Variants in NRXN1 observed in about 807,000 individuals in gnomAD.
NRXN1 encodes the protein neurexin-1.
NRXN1 carries 39 observed loss-of-function variants against 150.9 expected under a neutral mutation model. The ratio of observed to expected loss-of-function variants is 0.26; its 90% CI spans 0.20 to 0.34. The LOEUF (loss-of-function observed/expected upper bound fraction) is 0.34. NRXN1 is among the 10% of genes least tolerant of loss of function. NRXN1 has a pLI of 1.00. For missense variants in NRXN1, 1,815 were observed against 1,949.9 expected (o/e 0.93, Z 1.30); for synonymous variants, 924 against 757.0 (o/e 1.22, Z -3.62).
intron 8 of NRXN1, among the ~76,000 whole-genome samples, chr2:50,592,099 C>G (rs1168941302): frequency 1.3e-5 from 2 of 152,224 alleles, no homozygotes; most frequent in Admixed American, 6.5e-5. Flanking sequence ...GTGCTTCACT[C>G]TTTGCATGCG....
At chr2:50,386,982 C>T (rs1168491864) in intron 17 of NRXN1, among the ~76,000 whole-genome samples, 1 of 152,114 alleles carries the variant, frequency 6.6e-6, no homozygotes, top group African/African-American at 2.4e-5. Context: ...GCTGAGTGAT[C>T]TAGTGCATAG....
chr2:49,956,138 C>A (rs889840217), intron 21 of NRXN1, among the ~76,000 whole-genome samples: 1 of 152,116 alleles, frequency 6.6e-6, no homozygotes, highest in Non-Finnish European at 1.5e-5. Flanking sequence ...AGACAAATAT[C>A]TGGCCAATCA....
chr2:50,053,176 A>C lies in NRXN1; in HGVS notation c.4128+95T>G, dbSNP rs982184713. ...GGAAGCTGTAGTGCCTAAGATCAGA[A>C]AAATGTTCCAATTTAGAAAAGACGC... On this transcript the variant is annotated intron_variant, in intron 21 of 22. Coordinates refer to ENST00000401669, the MANE Select transcript of NRXN1 (RefSeq NM_001330078.2). 11 of 1,304,300 alleles carry C rather than the reference A, an allele frequency of 8.4e-6. No individual in the cohort carries two copies. The African/African-American group carries it at 1.5e-4, about 17-fold the overall frequency. 80.8% of individuals were successfully genotyped at this position (1,304,300 alleles called of 1,614,324 possible). A position where few individuals can be genotyped will look rare whatever the true frequency, so the allele number is the denominator to read the frequency against.
At position 51,028,372 on chromosome 2, in the gene NRXN1, G is replaced by A. The variant is rs1670963995; in HGVS notation, c.-99C>T. ...AAATAAGGGTCCCGAGAGACAGAAA[G>A]GTAAGGGGAAAGGCGGGAGTGAGAG... is the stretch of plus-strand genomic sequence containing the variant. On this transcript the variant is annotated 5_prime_UTR_variant, in exon 2 of 23. Transcript: ENST00000401669. 3 of 793,516 alleles carry A rather than the reference G, an allele frequency of 3.8e-6. No homozygotes were observed. The highest frequency in any genetic ancestry group is 5.5e-6 in the Non-Finnish European group (3 of 544,798). 49.2% of individuals were successfully genotyped at this position (793,516 alleles called of 1,614,324 possible).
At chr2:50,586,160 C>T (rs1324168048) in intron 8 of NRXN1, among the ~76,000 whole-genome samples, 3 of 152,146 alleles carry the variant, frequency 2.0e-5, no homozygotes, top group Non-Finnish European at 4.4e-5. Flanking sequence ...CCTACTTACC[C>T]TCCAGGGTGT....
At chr2:50,219,985 T>TTA (rs1553776534) in intron 18 of NRXN1, among the ~76,000 whole-genome samples, 17,166 of 51,178 alleles carry the variant, frequency 0.34, 2,003 homozygotes, top group African/African-American at 0.47. Context: ...AATATATATA[T>TTA]TATATATAAT....
intron 8 of NRXN1, among the ~76,000 whole-genome samples, chr2:50,564,943 T>C (rs1669631741): frequency 6.6e-6 from 1 of 152,166 alleles, no homozygotes; most frequent in Non-Finnish European, 1.5e-5. Flanking sequence ...ATGGCACACG[T>C]TAGAAAATTT....
At chr2:50,088,486 C>T (rs943137671) in intron 19 of NRXN1, among the ~76,000 whole-genome samples, 2 of 152,058 alleles carry the variant, frequency 1.3e-5, no homozygotes, top group African/African-American at 4.8e-5. Flanking sequence ...TTGCGTATAT[C>T]CTTCAGAATA....
At chr2:50,526,592 T>G (rs1253794814) in intron 12 of NRXN1, 2 of 152,234 alleles carry the variant, frequency 1.3e-5, no homozygotes, top group African/African-American at 4.8e-5. Flanking sequence ...TTATCTGGAA[T>G]GTAAATTCCT....
intron 12 of NRXN1, among the ~76,000 whole-genome samples, chr2:50,516,071 C>A (rs557539738): frequency 3.9e-5 from 6 of 152,136 alleles, no homozygotes; most frequent in South Asian, 2.1e-4. Flanking sequence ...GTGAGTGAAA[C>A]CTGTTTGTTT....
intron 5 of NRXN1, among the ~76,000 whole-genome samples, chr2:50,791,769 C>T (rs937259961): frequency 3.9e-5 from 6 of 152,074 alleles, no homozygotes; most frequent in Non-Finnish European, 1.5e-5. Flanking sequence ...ATACTGTTTG[C>T]TTAAAGGTTA....
chr2:50,405,943 T>C (rs1383836878), intron 17 of NRXN1, among the ~76,000 whole-genome samples: 1 of 152,136 alleles, frequency 6.6e-6, no homozygotes, highest in African/African-American at 2.4e-5. Flanking sequence ...CGCTAGATAA[T>C]ATTATTATCA....
At chr2:50,948,774 T>C (rs964181369) in intron 2 of NRXN1, among the ~76,000 whole-genome samples, 1 of 152,066 alleles carries the variant, frequency 6.6e-6, no homozygotes, top group Non-Finnish European at 1.5e-5. Flanking sequence ...TCCTTCAAGA[T>C]ACCACACTGC....
At chr2:50,472,514 T>C (rs1573121946) in intron 15 of NRXN1, 43 bp from the exon 16 acceptor site, 3 of 1,544,902 alleles carry the variant, frequency 1.9e-6, no homozygotes, top group African/African-American at 1.4e-5. Flanking sequence ...TACCATGTCA[T>C]TGACTTTAAA....
chr2:50,525,409 C>T (rs1240689522), intron 12 of NRXN1, among the ~76,000 whole-genome samples: 1 of 152,094 alleles, frequency 6.6e-6, no homozygotes, highest in Non-Finnish European at 1.5e-5. Flanking sequence ...CCTTCACTGT[C>T]TAAGAAAGAA....
In NRXN1 at chr2:49,996,497, C is replaced by T. The variant is rs72887861; in HGVS notation, c.4129-52706G>A. ...TTTTTAAATAAGTTAACTGACATGG[C>T]AAAGTCTTTGTAGGTATAATTAAGA... On this transcript the variant is annotated intron_variant, in intron 21 of 22. Transcript: ENST00000401669. Among the ~76,000 whole-genome samples the T allele has an allele frequency of 5.2e-3, 785 of 152,204 alleles. 8 individuals carry two copies. Among genetic ancestry groups the T allele is most frequent in the African/African-American group, 0.018 (753 of 41,532 alleles).
intron 18 of NRXN1, among the ~76,000 whole-genome samples, chr2:50,217,797 T>C (rs760010419): frequency 2.6e-5 from 4 of 152,080 alleles, no homozygotes; most frequent in Non-Finnish European, 5.9e-5. Context: ...ATCACTTGCA[T>C]ACTTATTAAA....
At chr2:50,457,179 C>G (rs765678546) in intron 17 of NRXN1, among the ~76,000 whole-genome samples, 5 of 152,116 alleles carry the variant, frequency 3.3e-5, no homozygotes, top group Admixed American at 1.3e-4. Context: ...ACAGCTCACT[C>G]TGAAATTTTA....
chr2:50,642,881 A>C (rs1684271524), intron 5 of NRXN1, among the ~76,000 whole-genome samples: 1 of 151,948 alleles, frequency 6.6e-6, no homozygotes, highest in Admixed American at 6.6e-5. Flanking sequence ...GCCTTCTTCT[A>C]AAAAGGGTTT....
Sources: gnomAD v4.1 joint callset for allele counts (sites outside exome capture counted in the v4.1 genomes callset) on GRCh38, gnomAD v4.1.1 for gene constraint, MANE v1.5 for transcripts, NCBI Gene and HGNC (gene_info 2026-07-23, HGNC 2026-07-21) for gene names.